Variants in TMC7 observed in about 807,000 individuals in gnomAD.
The protein encoded by TMC7 is transmembrane channel-like protein 7.
A neutral mutation model predicts 82.9 loss-of-function variants in TMC7; 54 were observed. The ratio of observed to expected loss-of-function variants is 0.65; its 90% CI spans 0.52 to 0.82. The LOEUF is 0.82. TMC7 is among the 40% of genes least tolerant of loss of function. TMC7 has a pLI of 0.00. For synonymous variants in TMC7, 350 were observed against 337.9 expected (o/e 1.04, Z -0.39); for missense variants, 820 against 901.2 (o/e 0.91, Z 1.15).
chr16:19,038,188 A>C, intron 8 of TMC7, 141 bp downstream of exon 8: 1 of 812,160 alleles, frequency 1.2e-6, no homozygotes. Flanking sequence ...AGAGGTGATC[A>C]GTTTCCACTT....
rs1209810738 is a variant in TMC7, at chr16:19,062,972, C to A, written c.*1129C>A. Reference sequence around the variant, plus strand: ...AATTCTCCCGGCCATCTCCACTCCACTACTCAAAAATGCCTGAATCCTTGC... The same window carrying A: ...AATTCTCCCGGCCATCTCCACTCCAATACTCAAAAATGCCTGAATCCTTGC... On this transcript the variant is annotated 3_prime_UTR_variant, in exon 16 of 16. Transcript: ENST00000304381. The A allele has an allele frequency of 6.6e-6, 1 of 152,190 alleles. No homozygotes were observed. Among genetic ancestry groups the A allele is most frequent in the East Asian group, 1.9e-4 (1 of 5,202 alleles). 9.4% of individuals were successfully genotyped at this position (152,190 alleles called of 1,614,324 possible).
At chr16:19,023,241 AAATT>A in intron 5 of TMC7, 46 bp downstream of exon 5, 1 of 1,288,632 alleles carries the variant, frequency 7.8e-7, no homozygotes, top group East Asian at 2.4e-5. Context: ...AATCTACTAA[AAATT>A]GATTGATTTA....
chr16:18,984,126 T>C lies in TMC7; in HGVS notation c.63T>C (p.His21=). The change falls in exon 1 of 16, where the codon CAT becomes CAC. Residue 21 remains histidine, a synonymous_variant. Coordinates refer to ENST00000304381, the MANE Select transcript of TMC7 (RefSeq NM_024847.4). ...PGRPSRQPAV[H]PENLSLDSSC... The stretch of plus-strand genomic sequence containing the variant: ...GGCCCAGCCGGCAGCCGGCGGTCCA[T>C]CCAGGTAGGGCGGCAGGGAGCGCGC... 6.7e-7 allele frequency: 1 copy of C among 1,501,726 alleles called. No individual in the cohort carries two copies. 93.0% of individuals were successfully genotyped at this position (1,501,726 alleles called of 1,614,324 possible).
chr16:19,006,843 G>A (rs1293892960), intron 1 of TMC7, among the ~76,000 whole-genome samples: 1 of 152,112 alleles, frequency 6.6e-6, no homozygotes, highest in African/African-American at 2.4e-5. Flanking sequence ...TTGAGACAAA[G>A]TCTTGCTCTG....
intron 2 of TMC7, among the ~76,000 whole-genome samples, chr16:19,015,040 T>C (rs1959607801): frequency 6.6e-6 from 1 of 152,080 alleles, no homozygotes; most frequent in Non-Finnish European, 1.5e-5. Flanking sequence ...CTCGGCCCAC[T>C]GCAACCTCCG....
chr16:19,043,460 AT>A (rs10710632), intron 9 of TMC7, among the ~76,000 whole-genome samples: 141,719 of 152,230 alleles, frequency 0.93, 66,254 homozygotes, highest in Non-Finnish European at 0.97. Context: ...ATTTGGTGGC[AT>A]TTAAGTACAG....
Position 19,019,322 on chromosome 16 carries a change from A to G in TMC7, c.461-2307A>G, listed in dbSNP as rs74014430. Among the ~76,000 whole-genome samples, 1,213 of 152,266 alleles carry G rather than the reference A, an allele frequency of 8.0e-3. 20 individuals carry two copies. Among genetic ancestry groups the G allele is most frequent in the African/African-American group, 0.027 (1,135 of 41,554 alleles). On this transcript the variant is annotated intron_variant, in intron 3 of 15. Coordinates refer to ENST00000304381, the MANE Select transcript of TMC7 (RefSeq NM_024847.4). ...CAATTGGCAATCTATCCAATGAGCT[A>G]CCTTTTTATTGTTGTTTTATTTGGA... is the stretch of plus-strand genomic sequence containing the variant.
chr16:19,022,415 G>A (rs533043770), intron 4 of TMC7, among the ~76,000 whole-genome samples: 3 of 152,286 alleles, frequency 2.0e-5, no homozygotes, highest in Admixed American at 2.0e-4. Flanking sequence ...ATATGCAATG[G>A]TGGTCCCCTA....
At chr16:19,023,017 C>T (rs891390242) in intron 4 of TMC7, 96 bp from the exon 5 acceptor site, 5 of 712,760 alleles carry the variant, frequency 7.0e-6, no homozygotes. Context: ...GAGACTCCAT[C>T]TCAGAACAAA....
At chr16:19,007,955 T>C (rs1023254799) in intron 1 of TMC7, among the ~76,000 whole-genome samples, 23 of 152,172 alleles carry the variant, frequency 1.5e-4, no homozygotes, top group African/African-American at 5.3e-4. Context: ...ATAGAGTTGT[T>C]GAATGAGTAT....
intron 13 of TMC7, among the ~76,000 whole-genome samples, chr16:19,052,859 C>T (rs570211010): frequency 1.3e-5 from 2 of 151,880 alleles, no homozygotes; most frequent in East Asian, 1.9e-4. Flanking sequence ...ATTACAGGGA[C>T]CTGCCACCAC....
chr16:18,985,398 G>C (rs2038828155), intron 1 of TMC7, among the ~76,000 whole-genome samples: 2 of 152,168 alleles, frequency 1.3e-5, no homozygotes, highest in African/African-American at 2.4e-5. Context: ...AAAAGTTGGG[G>C]TGGATTCAAT....
chr16:19,041,372 C>T (rs768476923), intron 9 of TMC7, among the ~76,000 whole-genome samples: 2 of 147,502 alleles, frequency 1.4e-5, no homozygotes, highest in African/African-American at 5.0e-5. Context: ...TTCATTATAC[C>T]TTTTTTTTTT....
chr16:19,028,513 C>G lies in TMC7; in HGVS notation c.712-1711C>G, dbSNP rs186133258. On this transcript the variant is annotated intron_variant, in intron 5 of 15. Transcript: ENST00000304381. ...CATATGAATTTTAGGATCAGCTTGT[C>G]AGTTTTTCTATAAGGAAGCCAGCTA... 9.7e-3 allele frequency among the ~76,000 whole-genome samples: 1,479 copies of G among 152,190 alleles called. 34 individuals are homozygous for G. The highest frequency in any genetic ancestry group is 0.034 in the African/African-American group (1,392 of 41,524).
Position 19,009,128 on chromosome 16 carries a change from C to A in TMC7, c.68-44C>A, listed in dbSNP as rs143720612. Reference sequence around the variant, plus strand: ...AGATCCAAGTTTCCTGCTTGGCTTCCGAACTCACTGGAGTGAATGATGACT... The same window carrying A: ...AGATCCAAGTTTCCTGCTTGGCTTCAGAACTCACTGGAGTGAATGATGACT... On this transcript the variant is annotated intron_variant, in intron 1 of 15. Transcript: ENST00000304381. 29 of 1,585,904 alleles carry A rather than the reference C, an allele frequency of 1.8e-5. 1 individual carries two copies. In the East Asian group the frequency reaches 4.9e-4, roughly 27 times the overall value.
intron 1 of TMC7, among the ~76,000 whole-genome samples, chr16:19,007,657 G>A (rs1205785012): frequency 1.3e-5 from 2 of 150,832 alleles, no homozygotes; most frequent in East Asian, 1.9e-4. Context: ...GTGACAGAGC[G>A]AGACTCCGTC....
At chr16:19,026,257 A>T (rs55654014) in intron 5 of TMC7, among the ~76,000 whole-genome samples, 100 of 151,878 alleles carry the variant, frequency 6.6e-4, no homozygotes, top group African/African-American at 2.4e-3. Flanking sequence ...CGGGTGGATC[A>T]TGAGGTCAGG....
At chr16:18,989,854 GCT>G (rs1305107314) in intron 1 of TMC7, among the ~76,000 whole-genome samples, 3 of 151,928 alleles carry the variant, frequency 2.0e-5, no homozygotes, top group Non-Finnish European at 4.4e-5. Context: ...ATGATATCTA[GCT>G]CTGTCGCCCA....
At position 19,045,007 on chromosome 16, in the gene TMC7, T is replaced by G. The variant is rs761556982; in HGVS notation, c.1455+6T>G. 2.5e-6 allele frequency: 4 copies of G among 1,611,862 alleles called. No individual in the cohort carries two copies. In the African/African-American group the frequency reaches 5.3e-5, roughly 22 times the overall value. ...ACAACCAGAAACTCTACCCGGTGAG[T>G]TGCGGGGCGGGGGCGTTCGGCTGGG... On this transcript the variant is annotated splice_donor_region_variant and intron_variant, in intron 10 of 15. Coordinates refer to ENST00000304381, the MANE Select transcript of TMC7 (RefSeq NM_024847.4).
Sources: gnomAD v4.1 joint callset for allele counts (sites outside exome capture counted in the v4.1 genomes callset) on GRCh38, gnomAD v4.1.1 for gene constraint, MANE v1.5 for transcripts, NCBI Gene and HGNC (gene_info 2026-07-23, HGNC 2026-07-21) for gene names.